The following DEPDC5 variants were observed in gnomAD, a reference collection of about 807,000 sequenced individuals.
DEPDC5 encodes the protein GATOR1 complex protein DEPDC5.
In DEPDC5, 73 loss-of-function variants were observed where a neutral mutation model predicts 217.3. The ratio of observed to expected loss-of-function variants is 0.34; its 90% confidence interval spans 0.28 to 0.41. The LOEUF (loss-of-function observed/expected upper bound fraction) is 0.41. DEPDC5 is among the 10% of genes least tolerant of loss of function. The probability of loss-of-function intolerance (pLI) is 1.00; values close to 1 mark genes in which losing one functional copy is unlikely to be tolerated. For synonymous variants in DEPDC5, 733 were observed against 756.7 expected, an observed-to-expected ratio of 0.97 and a Z score of 0.51; for missense variants, 1,675 against 2,070.1, an observed-to-expected ratio of 0.81 and a Z score of 3.70.
In DEPDC5 at chr22:31,778,173, G is replaced by C; in HGVS notation, c.483+5G>C. ...TACATCAGTGAAGATACCAGGGTAAGATTTATAAAATGCTTTTTTGGTTTT... is the reference window on the plus strand; with the variant it reads ...TACATCAGTGAAGATACCAGGGTAACATTTATAAAATGCTTTTTTGGTTTT... On this transcript the variant is annotated splice_donor_5th_base_variant and intron_variant, in intron 8 of 42. Transcript: ENST00000651528. 6.2e-7 allele frequency: 1 copy of C among 1,614,034 alleles called. No individual in the cohort carries two copies. Among genetic ancestry groups the C allele is most frequent in the African/African-American group, 1.3e-5 (1 of 75,044 alleles).
intron 31 of DEPDC5, among the ~76,000 whole-genome samples, chr22:31,853,898 T>C (rs1295232171): frequency 2.6e-5 from 4 of 152,202 alleles, no homozygotes; most frequent in Non-Finnish European, 5.9e-5. Context: ...TACTCAGGCC[T>C]TTCTGGGGAA....
At chr22:31,768,705 G>A in intron 6 of DEPDC5, 109 bp from the exon 7 acceptor site, 1 of 943,024 alleles carries the variant, frequency 1.1e-6, no homozygotes, top group Non-Finnish European at 1.6e-6. Context: ...AAAGCTAGGA[G>A]TTCTTGTTTG....
chr22:31,760,579 G>A, intron 3 of DEPDC5, 77 bp from the exon 4 acceptor site: 2 of 1,292,384 alleles, frequency 1.5e-6, no homozygotes, highest in Non-Finnish European at 2.2e-6. Flanking sequence ...TGACCTATTT[G>A]CCTTTTGTCG....
At chr22:31,761,269 C>T (rs996030044) in intron 4 of DEPDC5, among the ~76,000 whole-genome samples, 1 of 152,216 alleles carries the variant, frequency 6.6e-6, no homozygotes, top group Non-Finnish European at 1.5e-5. Context: ...GCGTGAGCCA[C>T]CACACCCAGC....
chr22:31,889,790 G>C (rs773230021), intron 38 of DEPDC5, among the ~76,000 whole-genome samples: 3 of 151,846 alleles, frequency 2.0e-5, no homozygotes, highest in Non-Finnish European at 4.4e-5. Flanking sequence ...CACCCGCCTC[G>C]GCCTCCCAAA....
Position 31,906,902 on chromosome 22 carries a change from G to A in DEPDC5, c.*405G>A. On this transcript the variant is annotated 3_prime_UTR_variant, in exon 43 of 43. Coordinates refer to ENST00000651528, the MANE Select transcript of DEPDC5 (RefSeq NM_001242896.3). This position sits in a 1 kb window ranked among gnomAD's most constrained non-coding sequence, Gnocchi z 5.1. Reference sequence around the variant, plus strand: ...TTAGGGGCAGAATCTGCCACTTCTTGCCCAGGAGTGTGCACAGATGTAAGA... The same window carrying A: ...TTAGGGGCAGAATCTGCCACTTCTTACCCAGGAGTGTGCACAGATGTAAGA... The A allele has an allele frequency of 3.2e-6, 1 of 309,050 alleles. No homozygotes were observed. The highest frequency in any genetic ancestry group is 6.1e-6 in the Non-Finnish European group (1 of 163,318). 19.1% of individuals were successfully genotyped at this position (309,050 alleles called of 1,614,324 possible).
intron 14 of DEPDC5, among the ~76,000 whole-genome samples, chr22:31,800,935 C>G (rs904852494): frequency 6.6e-6 from 1 of 151,634 alleles, no homozygotes; most frequent in South Asian, 2.1e-4. Flanking sequence ...GAGATCACGC[C>G]GCTGCACTCC....
At chr22:31,780,552 C>G (rs2084324008) in intron 8 of DEPDC5, among the ~76,000 whole-genome samples, 1 of 152,190 alleles carries the variant, frequency 6.6e-6, no homozygotes, top group African/African-American at 2.4e-5. Context: ...GCCACCTTCT[C>G]TCTTGCCACC....
chr22:31,889,541 CT>C (rs136874), intron 38 of DEPDC5, among the ~76,000 whole-genome samples: 244 of 99,588 alleles, frequency 2.5e-3, no homozygotes, highest in East Asian at 0.021. Context: ...GGCAAAACTT[CT>C]TTTTTTTTTT....
At chr22:31,782,710 C>G (rs755235772) in intron 8 of DEPDC5, among the ~76,000 whole-genome samples, 31 of 152,144 alleles carry the variant, frequency 2.0e-4, no homozygotes, top group Non-Finnish European at 3.4e-4. Flanking sequence ...CATAACTTTC[C>G]TAGGTAGATT....
In DEPDC5 at chr22:31,776,572, C is replaced by CTTTTTT. The variant is rs34058587; in HGVS notation, c.414-1511_414-1506dup. ...TTTACTTTTTCTACTGTACTATTCA[C>CTTTTTT]TTTTTTTTTTTTTTTTTTTTTGAGG... On this transcript the variant is annotated intron_variant, in intron 7 of 42. Transcript: ENST00000651528. 4.8e-5 allele frequency among the ~76,000 whole-genome samples: 5 copies of CTTTTTT among 104,170 alleles called. 1 individual carries two copies. The highest frequency in any genetic ancestry group is 7.3e-5 in the Non-Finnish European group (4 of 54,682). The allele number at this position is 104,170 out of a possible 152,430, so 68.3% of individuals were successfully genotyped here.
intron 2 of DEPDC5, chr22:31,755,542 T>A (rs926201612): frequency 6.6e-6 from 1 of 152,208 alleles, no homozygotes; most frequent in African/African-American, 2.4e-5. Context: ...GAATAGTTTC[T>A]CTTAACATCT....
intron 2 of DEPDC5, 138 bp downstream of exon 2, chr22:31,755,117 T>C (rs2075210032): frequency 3.3e-6 from 3 of 906,944 alleles, no homozygotes; most frequent in South Asian, 3.2e-5. Flanking sequence ...GCAACTGTCA[T>C]ACAGTAACAA....
At position 31,846,864 on chromosome 22, in the gene DEPDC5, A is replaced by T. The variant is rs2091767427; in HGVS notation, c.3052A>T (p.Thr1018Ser). 3 of 1,614,154 alleles carry T rather than the reference A, an allele frequency of 1.9e-6. No individual in the cohort carries two copies. The highest frequency in any genetic ancestry group is 2.2e-5 in the East Asian group (1 of 44,856). The change falls in exon 31 of 43, where the codon ACT becomes TCT. Residue 1018 changes from threonine to serine, a missense_variant. Physicochemically the swap from Thr to Ser is moderately conservative, Grantham distance 58. Around this residue, in one of 11 missense-constraint regions of DEPDC5, gnomAD observed 293 missense variants for 386.1 expected, o/e 0.76. Transcript: ENST00000651528. ...KGTAMKGLQM[T>S]GPISTHSLES... The stretch of plus-strand genomic sequence containing the variant: ...GACCGCCATGAAAGGCTTGCAGATG[A>T]CTGGGCCCATTTCCACGCATTCTCT...
intron 31 of DEPDC5, chr22:31,853,434 T>C (rs1007721398): frequency 2.6e-5 from 4 of 152,058 alleles, no homozygotes; most frequent in African/African-American, 9.7e-5. Context: ...AGAGGTAGAG[T>C]AGAGGGAACC....
intron 39 of DEPDC5, among the ~76,000 whole-genome samples, chr22:31,895,438 G>A (rs1483890392): frequency 2.6e-5 from 4 of 152,148 alleles, no homozygotes; most frequent in South Asian, 2.1e-4. Context: ...CCCCATCGCA[G>A]TGCTCACTCC....
At chr22:31,796,231 T>C (rs1460656357) in intron 12 of DEPDC5, among the ~76,000 whole-genome samples, 1 of 151,424 alleles carries the variant, frequency 6.6e-6, no homozygotes, top group East Asian at 1.9e-4. Flanking sequence ...CTCCTGAGTA[T>C]CTGGGACTAC....
intron 31 of DEPDC5, among the ~76,000 whole-genome samples, chr22:31,857,017 C>T (rs190018778): frequency 1.3e-5 from 2 of 152,258 alleles, no homozygotes; most frequent in East Asian, 3.9e-4. Context: ...ATGATCCACC[C>T]ACCTTGGCTT....
intron 41 of DEPDC5, among the ~76,000 whole-genome samples, chr22:31,902,757 CATTT>C (rs112295835): frequency 2.6e-5 from 4 of 152,176 alleles, no homozygotes; most frequent in African/African-American, 9.6e-5. Context: ...GGTGAGCCTC[CATTT>C]TCTTACCCCT....
Sources: allele counts gnomAD v4.1 joint callset (sites outside exome capture counted in the v4.1 genomes callset), GRCh38; gene constraint gnomAD v4.1.1; regional missense constraint gnomAD v4.1.1; non-coding constraint Gnocchi (gnomAD v3.1); transcripts MANE v1.5; gene names NCBI Gene and HGNC (gene_info 2026-07-23, HGNC 2026-07-21).